Variants in TAF6L observed in about 807,000 individuals in gnomAD.
TAF6L encodes the protein TATA-box binding protein associated factor 6 like, also known as TAF6-like RNA polymerase II p300/CBP-associated factor-associated factor 65 kDa subunit 6L.
In TAF6L, 34 loss-of-function variants were observed where a neutral mutation model predicts 57.3. That is an observed-to-expected ratio of 0.59 (90% confidence interval 0.45 to 0.79). The LOEUF (loss-of-function observed/expected upper bound fraction) is 0.79. Ranked by LOEUF, TAF6L falls within the 30% of genes least tolerant of loss-of-function variation. The probability of loss-of-function intolerance (pLI) is 0.00; values close to 1 mark genes in which losing one functional copy is unlikely to be tolerated. For missense variants in TAF6L, 782 were observed against 853.2 expected, an observed-to-expected ratio of 0.92 and a Z score of 1.04; for synonymous variants, 417 against 376.3, an observed-to-expected ratio of 1.11 and a Z score of -1.25.
chr11:62,786,387 T>A lies in TAF6L; in HGVS notation c.1088T>A (p.Leu363Gln). The change falls in exon 10 of 11, where the codon CTG becomes CAG. Residue 363 changes from leucine to glutamine, a missense_variant and splice_region_variant. Coordinates refer to ENST00000294168, the MANE Select transcript of TAF6L (RefSeq NM_006473.4). ...ADGHKVYGAI[L>Q]VAVERLLKMK... ...GGACACAAAGTCTATGGAGCCATTC[T>A]GGTGAGTACCGTCCCCTTCCAGCCT... 6.2e-7 allele frequency: 1 copy of A among 1,613,386 alleles called. No individual in the cohort carries two copies. Among genetic ancestry groups the A allele is most frequent in the South Asian group, 1.1e-5 (1 of 91,070 alleles).
intron 6 of TAF6L, 56 bp downstream of exon 6, chr11:62,779,019 GT>G (rs373542247): frequency 0.14 from 127,647 of 907,872 alleles, no homozygotes; most frequent in Middle Eastern, 0.25. Context: ...TTCTAGACCT[GT>G]TTTTTTTTTT....
At position 62,782,807 on chromosome 11, in the gene TAF6L, G is replaced by A. The variant is rs1277695044; in HGVS notation, c.942G>A (p.Leu314=). ...GCCACTATGGAGCCGTGGTGGGGCTGCATGCTCTTGGCTGGAAGGTGAGCA... is the reference window on the plus strand; with the variant it reads ...GCCACTATGGAGCCGTGGTGGGGCTACATGCTCTTGGCTGGAAGGTGAGCA... ...LCCHYGAVVG[L]HALGWKAVER... The change falls in exon 9 of 11, where the codon CTG becomes CTA. Residue 314 remains leucine (L), a synonymous_variant. Transcript: ENST00000294168. 1 of 1,614,002 alleles carries A rather than the reference G, an allele frequency of 6.2e-7. No homozygotes were observed. The highest frequency in any genetic ancestry group is 8.5e-7 in the Non-Finnish European group (1 of 1,180,012).
intron 1 of TAF6L, among the ~76,000 whole-genome samples, chr11:62,774,926 G>C (rs371673867): frequency 1.3e-5 from 2 of 151,358 alleles, no homozygotes; most frequent in Non-Finnish European, 1.5e-5. Context: ...CCATCCGGGC[G>C]TGGTGGCAGG....
At chr11:62,784,137 G>A (rs1388453101) in intron 9 of TAF6L, among the ~76,000 whole-genome samples, 3 of 141,748 alleles carry the variant, frequency 2.1e-5, no homozygotes, top group Non-Finnish European at 4.6e-5. Flanking sequence ...TTACAGGCAC[G>A]CACCACCAGG....
chr11:62,783,206 G>T (rs966320898), intron 9 of TAF6L, among the ~76,000 whole-genome samples: 4 of 152,192 alleles, frequency 2.6e-5, no homozygotes, highest in Non-Finnish European at 4.4e-5. Flanking sequence ...GTTGGCGCCG[G>T]GCGCAGTGGC....
Position 62,776,446 on chromosome 11 carries a change from G to C in TAF6L, c.210G>C (p.Arg70Ser), listed in dbSNP as rs755283567. ...AGCTGACGGTTGAGGACTTCAACAG[G>C]GCCCTCAGATGGAGCAGCGTGGAGG... Reference protein sequence around the residue: ...RRKLTVEDFNRALRWSSVEAV... With the variant: ...RRKLTVEDFNSALRWSSVEAV... The change falls in exon 3 of 11, where the codon AGG becomes AGC. Residue 70 changes from arginine to serine, a missense_variant. By Grantham distance (110) the Arg-to-Ser change is moderately radical (BLOSUM62 -1). This residue lies in a region of TAF6L where 220 missense variants were observed against 252.1 expected (regional missense o/e 0.87). Transcript: ENST00000294168. 3 of 1,613,772 alleles carry C rather than the reference G, an allele frequency of 1.9e-6. No homozygotes were observed. In the East Asian group the frequency reaches 6.7e-5, roughly 36 times the overall value.
chr11:62,786,957 C>T lies in TAF6L; in HGVS notation c.1530C>T (p.Pro510=). Residue 510 remains proline (P), a synonymous_variant, in exon 11 of 11, where the codon CCC becomes CCT. Transcript: ENST00000294168. The stretch of plus-strand genomic sequence containing the variant: ...CCCGGGGCAGCGGCGGAGGCGGCCC[C>T]GCGTCGGCCTCTGGGCCCGCCGCCT... ...ESPRGSGGGG[P]ASASGPAASE... is the part of the protein sequence containing the mutation. The T allele has an allele frequency of 6.9e-7, 1 of 1,447,928 alleles. No individual in the cohort carries two copies. Among genetic ancestry groups the T allele is most frequent in the South Asian group, 1.4e-5 (1 of 72,114 alleles). 89.7% of individuals were successfully genotyped at this position (1,447,928 alleles called of 1,614,324 possible).
At chr11:62,778,685 G>T in intron 5 of TAF6L, 184 bp from the exon 6 acceptor site, 1 of 627,760 alleles carries the variant, frequency 1.6e-6, no homozygotes, top group East Asian at 2.7e-5. Flanking sequence ...AGAGCACAGA[G>T]GTGTGCAGAG....
intron 1 of TAF6L, 46 bp downstream of exon 1, chr11:62,771,536 C>G (rs369269898): frequency 6.3e-6 from 1 of 158,774 alleles, no homozygotes; most frequent in East Asian, 1.9e-4. Context: ...TTCCCGACGC[C>G]GACTGCTTAC....
chr11:62,786,688 C>T lies in TAF6L; in HGVS notation c.1261C>T (p.Leu421=). ...ACCCAGCTTTGGGTCCGGCCTCCCG[C>T]TGCCGCCAGGGGGCGCGGGGCCGGA... The part of the protein sequence containing the change: ...AEPSFGSGLP[L]PPGGAGPEDP... Residue 421 remains leucine, a synonymous_variant, in exon 11 of 11, where the codon CTG becomes TTG. Coordinates refer to ENST00000294168, the MANE Select transcript of TAF6L (RefSeq NM_006473.4). The T allele has an allele frequency of 4.3e-6, 7 of 1,612,254 alleles. No homozygotes were observed. The highest frequency in any genetic ancestry group is 5.9e-6 in the Non-Finnish European group (7 of 1,179,386).
chr11:62,783,006 A>C (rs1190824387), intron 9 of TAF6L, among the ~76,000 whole-genome samples, 181 bp downstream of exon 9: 2 of 152,164 alleles, frequency 1.3e-5, no homozygotes, highest in South Asian at 4.1e-4. Context: ...ATCCTTTCGA[A>C]AGTCCTATAT....
chr11:62,781,256 AAGAAAC>A (rs2084227465), intron 6 of TAF6L, among the ~76,000 whole-genome samples: 1 of 151,786 alleles, frequency 6.6e-6, no homozygotes, highest in Non-Finnish European at 1.5e-5. Flanking sequence ...AAAAAAGAAA[AAGAAAC>A]TGAAAAGTCT....
In TAF6L at chr11:62,786,286, C is replaced by G; in HGVS notation, c.987C>G (p.His329Gln). The part of the protein sequence containing the change: ...WKAVERVLYP[H>Q]LSTYWTNLQA... ...CAGTAGAACGAGTCCTGTACCCACA[C>G]CTGTCCACCTACTGGACAAACTTGC... The change falls in exon 10 of 11, where the codon CAC becomes CAG. Residue 329 changes from histidine to glutamine, a missense_variant. Transcript: ENST00000294168. 2 of 1,614,124 alleles carry G rather than the reference C, an allele frequency of 1.2e-6. No homozygotes were observed. Among genetic ancestry groups the G allele is most frequent in the Non-Finnish European group, 8.5e-7 (1 of 1,179,968 alleles).
chr11:62,774,325 C>T (rs1200389407), intron 1 of TAF6L, among the ~76,000 whole-genome samples: 1 of 152,166 alleles, frequency 6.6e-6, no homozygotes, highest in African/African-American at 2.4e-5. Context: ...ATCCGCCTGC[C>T]TCGGCCTCCC....
In TAF6L at chr11:62,787,311, C is replaced by A. The variant is rs200498794; in HGVS notation, c.*15C>A. ...TGCCGCTCTGAGTCAGTGGCCCCTT[C>A]GTTCCTTGTAAATAAATCCCGCCCC... is the stretch of plus-strand genomic sequence containing the variant. On this transcript the variant is annotated 3_prime_UTR_variant, in exon 11 of 11. Coordinates refer to ENST00000294168, the MANE Select transcript of TAF6L (RefSeq NM_006473.4). The A allele has an allele frequency of 1.0e-4, 158 of 1,529,966 alleles. No homozygotes were observed. The East Asian group carries it at 1.6e-3, about 15-fold the overall frequency. The allele number at this position is 1,529,966 out of a possible 1,614,324, so 94.8% of individuals were successfully genotyped here.
chr11:62,781,239 GAA>G (rs572508048), intron 6 of TAF6L, among the ~76,000 whole-genome samples: 1 of 105,500 alleles, frequency 9.5e-6, no homozygotes. Context: ...CCATCTCAAA[GAA>G]AAAAAAAAAA....
In TAF6L at chr11:62,776,077, T is replaced by C. The variant is rs1181686478; in HGVS notation, c.147+147T>C. The C allele has an allele frequency of 1.6e-5, 18 of 1,154,486 alleles. No individual in the cohort carries two copies. The South Asian group carries it at 2.8e-4, about 18-fold the overall frequency. 71.5% of individuals were successfully genotyped at this position (1,154,486 alleles called of 1,614,324 possible). A position where few individuals can be genotyped will look rare whatever the true frequency, so the allele number is the denominator to read the frequency against. On this transcript the variant is annotated intron_variant, in intron 2 of 10. Coordinates refer to ENST00000294168, the MANE Select transcript of TAF6L (RefSeq NM_006473.4). ...CCATGCCTTTACAGAACTCTACTTG[T>C]AGCTGTCTGGGCTTCCAGCAGACAA... is the stretch of plus-strand genomic sequence containing the variant.
In TAF6L at chr11:62,781,998, G is replaced by A. The variant is rs754955720; in HGVS notation, c.606+30G>A. 1.2e-5 allele frequency: 20 copies of A among 1,612,322 alleles called. No individual in the cohort carries two copies. The South Asian group carries it at 2.0e-4, about 16-fold the overall frequency. On this transcript the variant is annotated intron_variant, in intron 7 of 10. Transcript: ENST00000294168. ...GTGACCAGGCTGGGACAGGGAGAAT[G>A]TTTTATAAGGAAGAGATGACCCAGC...
intron 3 of TAF6L, 100 bp downstream of exon 3, chr11:62,776,570 G>A (rs1017021259): frequency 1.6e-6 from 2 of 1,213,786 alleles, no homozygotes; most frequent in East Asian, 5.2e-5. Flanking sequence ...ACCAAACGCT[G>A]CCGGGCATGG....
Sources: allele counts gnomAD v4.1 joint callset (sites outside exome capture counted in the v4.1 genomes callset), GRCh38; gene constraint gnomAD v4.1.1; regional missense constraint gnomAD v4.1.1; transcripts MANE v1.5; gene names NCBI Gene and HGNC (gene_info 2026-07-23, HGNC 2026-07-21).